CLVS2: variants seen among roughly 807,000 people sequenced by gnomAD.
The protein encoded by CLVS2 is clavesin 2.
Under a neutral mutation model 29.0 loss-of-function variants are expected in CLVS2, and 19 were observed. The observed-to-expected ratio is 0.66, with a 90% confidence interval of 0.46 to 0.96. The LOEUF (loss-of-function observed/expected upper bound fraction) is 0.96. CLVS2 is among the 40% of genes least tolerant of loss of function. The pLI, the probability that CLVS2 is intolerant of heterozygous loss-of-function variation, is 0.00. For missense variants in CLVS2, 294 were observed against 404.1 expected (o/e 0.73, Z 2.34); for synonymous variants, 161 against 151.3 (o/e 1.06, Z -0.47).
Position 123,011,202 on chromosome 6 carries a change from G to A in CLVS2, c.564+43G>A, listed in dbSNP as rs770861038. 2.2e-6 allele frequency: 3 copies of A among 1,382,836 alleles called. No individual in the cohort carries two copies. In the South Asian group the frequency reaches 4.6e-5, roughly 21 times the overall value. 85.7% of individuals were successfully genotyped at this position (1,382,836 alleles called of 1,614,324 possible). ...CCTACTTCCTTGGTCTCTTGTGTTT[G>A]ACTTCTCTTGTCTAATGTGTTAGAA... On this transcript the variant is annotated intron_variant, in intron 3 of 5. Coordinates refer to ENST00000275162, the MANE Select transcript of CLVS2 (RefSeq NM_001010852.4).
rs1484855036 is a variant in CLVS2 at position 123,072,699 on chromosome 6, A to C, written c.*8938A>C. 1 of 152,096 alleles carries C rather than the reference A, an allele frequency of 6.6e-6. No homozygotes were observed. The highest frequency in any genetic ancestry group is 2.4e-5 in the African/African-American group (1 of 41,432). The allele number at this position is 152,096 out of a possible 1,614,324, so 9.4% of individuals were successfully genotyped here. A position where few individuals can be genotyped will look rare whatever the true frequency, so the allele number is the denominator to read the frequency against. On this transcript the variant is annotated 3_prime_UTR_variant, in exon 6 of 6. Coordinates refer to ENST00000275162, the MANE Select transcript of CLVS2 (RefSeq NM_001010852.4). ...CTCTTAGGTTGAATTTTCTTTTCAT[A>C]ATTTTTTATGATTGAATTCTAAGGG...
Position 122,998,042 on chromosome 6 carries a change from T to C in CLVS2, c.265T>C (p.Phe89Leu). 1.2e-6 allele frequency: 2 copies of C among 1,614,156 alleles called. No individual in the cohort carries two copies. Among genetic ancestry groups the C allele is most frequent in the Non-Finnish European group, 8.5e-7 (1 of 1,180,034 alleles). The change falls in exon 2 of 6, where the codon TTT becomes CTT. Residue 89 changes from phenylalanine to leucine, a missense_variant. Physicochemically the swap from Phe to Leu is conservative, Grantham distance 22. Around this residue, in one of 2 missense-constraint regions of CLVS2, gnomAD observed 212 missense variants for 336.4 expected, o/e 0.63. Transcript: ENST00000275162. ...RQQNLDMFKS[F>L]KATDPGIKQA... Reference sequence around the variant, plus strand: ...GCAGAACCTGGACATGTTCAAAAGCTTTAAGGCCACCGACCCTGGCATCAA... The same window carrying C: ...GCAGAACCTGGACATGTTCAAAAGCCTTAAGGCCACCGACCCTGGCATCAA...
Position 122,998,097 on chromosome 6 carries a change from G to A in CLVS2, c.320G>A (p.Gly107Asp). 6.2e-7 allele frequency: 1 copy of A among 1,614,088 alleles called. No individual in the cohort carries two copies. The highest frequency in any genetic ancestry group is 2.2e-5 in the East Asian group (1 of 44,872). The change falls in exon 2 of 6, where the codon GGC (glycine) becomes GAC (aspartate). Residue 107 changes from glycine (G) to aspartate (D), a missense_variant. By Grantham distance (94) the Gly-to-Asp change is moderately conservative (BLOSUM62 -1). Transcript: ENST00000275162. ...GCACTGAAGGATGGCTTCCCTGGGG[G>A]CCTGGCCAATCTGGACCACTATGGC... ...KQALKDGFPGGLANLDHYGRK... is the reference protein window; with the variant it reads ...KQALKDGFPGDLANLDHYGRK...
chr6:123,047,092 T>C (rs1416865788), intron 3 of CLVS2, among the ~76,000 whole-genome samples: 3 of 152,034 alleles, frequency 2.0e-5, no homozygotes, highest in Non-Finnish European at 4.4e-5. Context: ...GCTACATTCT[T>C]AGGGAAACAT....
chr6:123,056,417 ACTAT>A (rs1258194538), intron 5 of CLVS2, among the ~76,000 whole-genome samples: 4 of 152,058 alleles, frequency 2.6e-5, no homozygotes, highest in Admixed American at 1.3e-4. Context: ...CCACCATTCT[ACTAT>A]CTATTTCTAT....
intron 5 of CLVS2, among the ~76,000 whole-genome samples, chr6:123,057,967 T>C (rs1478689522): frequency 6.6e-6 from 1 of 152,196 alleles, no homozygotes; most frequent in Non-Finnish European, 1.5e-5. Context: ...TATGTATATG[T>C]CATGCATATA....
At chr6:123,031,702 T>G (rs1382501701) in intron 3 of CLVS2, among the ~76,000 whole-genome samples, 1 of 152,100 alleles carries the variant, frequency 6.6e-6, no homozygotes, top group East Asian at 1.9e-4. Context: ...AATGATCTTT[T>G]AAGTGGCTGT....
chr6:123,060,619 C>T (rs1175061026), intron 5 of CLVS2, among the ~76,000 whole-genome samples: 1 of 152,172 alleles, frequency 6.6e-6, no homozygotes, highest in Non-Finnish European at 1.5e-5. Context: ...TGCATAACTA[C>T]AAAGTAGCAA....
At chr6:123,009,573 A>T (rs148974878) in intron 2 of CLVS2, among the ~76,000 whole-genome samples, 30 of 152,116 alleles carry the variant, frequency 2.0e-4, no homozygotes, top group African/African-American at 5.5e-4. Context: ...CTTCCTAACG[A>T]ACTCATCATT....
At chr6:123,022,675 C>A (rs1774940849) in intron 3 of CLVS2, among the ~76,000 whole-genome samples, 1 of 151,912 alleles carries the variant, frequency 6.6e-6, no homozygotes, top group African/African-American at 2.4e-5. Flanking sequence ...ACTTATAATT[C>A]TTGGCAAATA....
intron 2 of CLVS2, among the ~76,000 whole-genome samples, chr6:122,998,687 G>A (rs1413359802): frequency 1.3e-5 from 2 of 152,160 alleles, no homozygotes; most frequent in Admixed American, 1.3e-4. Context: ...TCTCTGTTTG[G>A]TGATGTGTAG....
intron 2 of CLVS2, among the ~76,000 whole-genome samples, chr6:123,004,730 T>A (rs754699788): frequency 2.6e-5 from 4 of 151,900 alleles, no homozygotes; most frequent in Non-Finnish European, 4.4e-5. Flanking sequence ...CTGGCCAACA[T>A]GGTGAAACCC....
intron 3 of CLVS2, among the ~76,000 whole-genome samples, chr6:123,033,890 A>T (rs1775115009): frequency 6.6e-6 from 1 of 152,280 alleles, no homozygotes; most frequent in South Asian, 2.1e-4. Flanking sequence ...ATCCAATAAG[A>T]ATATGGTTAA....
At chr6:123,021,352 T>C (rs865811354) in intron 3 of CLVS2, among the ~76,000 whole-genome samples, 3 of 152,198 alleles carry the variant, frequency 2.0e-5, no homozygotes, top group Admixed American at 6.6e-5. Context: ...ACCTTTTTTG[T>C]TATGTTTGGC....
At chr6:123,056,766 CT>C (rs1038191402) in intron 5 of CLVS2, among the ~76,000 whole-genome samples, 3 of 152,170 alleles carry the variant, frequency 2.0e-5, no homozygotes, top group African/African-American at 7.2e-5. Flanking sequence ...TGTAAGATTT[CT>C]TTTGAAGAAA....
intron 5 of CLVS2, among the ~76,000 whole-genome samples, chr6:123,058,695 G>C (rs1184814105): frequency 6.6e-6 from 1 of 152,014 alleles, no homozygotes; most frequent in Non-Finnish European, 1.5e-5. Context: ...GTGTTGCCCA[G>C]GCTGGAGCGC....
intron 2 of CLVS2, among the ~76,000 whole-genome samples, chr6:123,004,062 G>GA (rs1446304915): frequency 2.6e-5 from 4 of 152,068 alleles, no homozygotes; most frequent in African/African-American, 9.7e-5. Context: ...CTATGGTTTA[G>GA]AAAATCTCGA....
intron 3 of CLVS2, among the ~76,000 whole-genome samples, chr6:123,023,649 T>G (rs947077379): frequency 6.6e-6 from 1 of 152,114 alleles, no homozygotes; most frequent in Non-Finnish European, 1.5e-5. Context: ...GAAAATCACA[T>G]TTTGATTATC....
intron 2 of CLVS2, among the ~76,000 whole-genome samples, chr6:123,006,803 C>T (rs546277066): frequency 1.3e-5 from 2 of 152,194 alleles, no homozygotes; most frequent in South Asian, 2.1e-4. Context: ...CTGTGGATAT[C>T]GAGCCGTCAC....
Sources: allele counts gnomAD v4.1 joint callset (sites outside exome capture counted in the v4.1 genomes callset), GRCh38; gene constraint gnomAD v4.1.1; regional missense constraint gnomAD v4.1.1; transcripts MANE v1.5; gene names NCBI Gene and HGNC (gene_info 2026-07-23, HGNC 2026-07-21).